Variants in NRXN3 observed in about 807,000 individuals in gnomAD.
NRXN3 encodes neurexin III.
In NRXN3, 32 loss-of-function variants were observed where a neutral mutation model predicts 137.6. The observed-to-expected ratio is 0.23, with a 90% CI of 0.18 to 0.31. The LOEUF (loss-of-function observed/expected upper bound fraction) is 0.31. Ranked by LOEUF, NRXN3 falls within the 10% of genes least tolerant of loss-of-function variation. NRXN3 has a pLI of 1.00. For missense variants in NRXN3, 1,574 were observed against 2,062.5 expected, an observed-to-expected ratio of 0.76 and a Z score of 4.59; for synonymous variants, 798 against 784.5, an observed-to-expected ratio of 1.02 and a Z score of -0.29.
chr14:78,670,159 C>T (rs1224805715), intron 6 of NRXN3, among the ~76,000 whole-genome samples: 1 of 152,086 alleles, frequency 6.6e-6, no homozygotes, highest in African/African-American at 2.4e-5. Flanking sequence ...TGGTTTCCAG[C>T]TTCAGCCATG....
intron 8 of NRXN3, among the ~76,000 whole-genome samples, chr14:78,742,046 T>C (rs1012148064): frequency 3.3e-5 from 5 of 152,152 alleles, no homozygotes; most frequent in African/African-American, 9.7e-5. Flanking sequence ...GCAGCCTCAT[T>C]TCAACAAATC....
intron 10 of NRXN3, among the ~76,000 whole-genome samples, chr14:78,850,932 G>A (rs2099040843): frequency 6.6e-6 from 1 of 152,154 alleles, no homozygotes; most frequent in African/African-American, 2.4e-5. Flanking sequence ...GTTTCCAAAA[G>A]TGTTCTTAAG....
chr14:79,788,787 A>G (rs189565192), intron 19 of NRXN3, among the ~76,000 whole-genome samples: 3 of 152,330 alleles, frequency 2.0e-5, no homozygotes, highest in Non-Finnish European at 4.4e-5. Context: ...GAAACTATTG[A>G]GTTGCGATGC....
intron 19 of NRXN3, among the ~76,000 whole-genome samples, chr14:79,729,479 T>C (rs2098913666): frequency 6.6e-6 from 1 of 152,182 alleles, no homozygotes; most frequent in South Asian, 2.1e-4. Flanking sequence ...TGGATGGCCA[T>C]ATACCTTGCT....
At chr14:78,432,248 C>T (rs1251798774) in intron 4 of NRXN3, among the ~76,000 whole-genome samples, 1 of 152,092 alleles carries the variant, frequency 6.6e-6, no homozygotes, top group African/African-American at 2.4e-5. Flanking sequence ...GCCAAGGCTG[C>T]TCCTTAGTGT....
At chr14:79,250,405 C>T (rs2075773997) in intron 15 of NRXN3, among the ~76,000 whole-genome samples, 1 of 152,102 alleles carries the variant, frequency 6.6e-6, no homozygotes, top group Non-Finnish European at 1.5e-5. Flanking sequence ...TTGTAAGATT[C>T]TTGTCCTCAG....
intron 16 of NRXN3, among the ~76,000 whole-genome samples, chr14:79,565,267 G>GTGTGTGTATACATATACACA (rs1316324499): frequency 2.0e-4 from 2 of 10,130 alleles, no homozygotes; most frequent in African/African-American, 7.0e-4. Flanking sequence ...ATATACACAT[G>GTGTGTGTATACATATACACA]TGTGTGTGTA....
chr14:78,606,235 A>G (rs1032996629), intron 4 of NRXN3, among the ~76,000 whole-genome samples: 1 of 152,266 alleles, frequency 6.6e-6, no homozygotes, highest in Non-Finnish European at 1.5e-5. Flanking sequence ...AATACAAGCT[A>G]TGCTCAATGC....
At chr14:79,280,163 G>A in intron 15 of NRXN3, 2 of 1,503,302 alleles carry the variant, frequency 1.3e-6, no homozygotes, top group South Asian at 1.4e-5. Flanking sequence ...AGCGCATATT[G>A]CTTCCCTCTT....
chr14:78,999,842 T>A (rs2099537808), intron 15 of NRXN3, among the ~76,000 whole-genome samples: 1 of 152,194 alleles, frequency 6.6e-6, no homozygotes, highest in East Asian at 1.9e-4. Flanking sequence ...AAAGTGATGT[T>A]GTGGTTTATT....
chr14:78,286,977 A>G (rs1224185217), intron 3 of NRXN3, among the ~76,000 whole-genome samples: 13 of 152,128 alleles, frequency 8.5e-5, no homozygotes, highest in African/African-American at 7.2e-5. Context: ...TGGAATTTGA[A>G]TCCAGGCTTT....
intron 6 of NRXN3, among the ~76,000 whole-genome samples, chr14:78,692,279 G>A (rs1050262981): frequency 2.6e-5 from 4 of 152,108 alleles, no homozygotes; most frequent in Non-Finnish European, 5.9e-5. Context: ...CCAGTAATAG[G>A]AAGTGGCTCC....
rs75581565 is a variant in NRXN3 at position 79,554,647 on chromosome 14, C to T, written c.3444+87245C>T. Among the ~76,000 whole-genome samples, 353 of 152,222 alleles carry T rather than the reference C, an allele frequency of 2.3e-3. 5 individuals are homozygous for T. The East Asian group carries it at 0.035, about 15-fold the overall frequency. ...CATCCTGATGAGAAAGTGAAGAAAGCCAGAAGCAGCGTCTCTTCTGTGGCA... is the reference window on the plus strand; with the variant it reads ...CATCCTGATGAGAAAGTGAAGAAAGTCAGAAGCAGCGTCTCTTCTGTGGCA... On this transcript the variant is annotated intron_variant, in intron 16 of 20. Transcript: ENST00000335750.
intron 2 of NRXN3, among the ~76,000 whole-genome samples, chr14:78,276,608 A>T (rs192225671): frequency 6.6e-6 from 1 of 152,246 alleles, no homozygotes; most frequent in East Asian, 1.9e-4. Flanking sequence ...AAGGAAGATG[A>T]CTCTTAGAAG....
chr14:78,457,715 A>ATT (rs2094788759), intron 4 of NRXN3, among the ~76,000 whole-genome samples: 1 of 152,224 alleles, frequency 6.6e-6, no homozygotes, highest in Non-Finnish European at 1.5e-5. Flanking sequence ...GTGTATACAG[A>ATT]TATATATGTG....
At chr14:79,029,672 T>C (rs2099604178) in intron 15 of NRXN3, among the ~76,000 whole-genome samples, 1 of 152,156 alleles carries the variant, frequency 6.6e-6, no homozygotes. Flanking sequence ...ACACAGTAGC[T>C]GCCAGTAGTA....
intron 14 of NRXN3, among the ~76,000 whole-genome samples, chr14:78,969,742 C>T (rs2099430309): frequency 6.6e-6 from 1 of 151,970 alleles, no homozygotes; most frequent in Non-Finnish European, 1.5e-5. Context: ...ATTCCTATAA[C>T]CCACTCCATT....
chr14:78,295,108 G>A (rs1443468069), intron 3 of NRXN3, among the ~76,000 whole-genome samples: 1 of 152,194 alleles, frequency 6.6e-6, no homozygotes, highest in Non-Finnish European at 1.5e-5. Context: ...AACTCTGCAA[G>A]CTCTGAGGAC....
chr14:78,719,109 T>C (rs1194702279), intron 8 of NRXN3, among the ~76,000 whole-genome samples: 1 of 152,242 alleles, frequency 6.6e-6, no homozygotes, highest in Non-Finnish European at 1.5e-5. Flanking sequence ...TATTTGTACA[T>C]CATGGAGCTT....
Sources: gnomAD v4.1 joint callset for allele counts (sites outside exome capture counted in the v4.1 genomes callset) on GRCh38, gnomAD v4.1.1 for gene constraint, MANE v1.5 for transcripts, NCBI Gene and HGNC (gene_info 2026-07-23, HGNC 2026-07-21) for gene names.